HIP1: variants seen among roughly 807,000 people sequenced by gnomAD.
HIP1 encodes huntingtin interacting protein 1, also known as huntingtin-interacting protein 1.
HIP1 carries 65 observed loss-of-function variants against 147.6 expected under a neutral mutation model. The ratio of observed to expected loss-of-function variants is 0.44; its 90% CI spans 0.36 to 0.54. The LOEUF is 0.54. Ranked by LOEUF, HIP1 falls within the 20% of genes least tolerant of loss-of-function variation. HIP1 has a pLI of 0.00. For missense variants in HIP1, 1,061 were observed against 1,299.6 expected, an observed-to-expected ratio of 0.82 and a Z score of 2.82; for synonymous variants, 479 against 504.0, an observed-to-expected ratio of 0.95 and a Z score of 0.67.
chr7:75,616,155 G>A (rs774627545), intron 1 of HIP1, among the ~76,000 whole-genome samples: 1 of 150,752 alleles, frequency 6.6e-6, no homozygotes, highest in African/African-American at 2.4e-5. Context: ...AAAGTATCTC[G>A]TAACATCGTC....
In HIP1 at chr7:75,554,116, C is replaced by T. The variant is rs782195793; in HGVS notation, c.2155G>A (p.Asp719Asn). Residue 719 changes from aspartate to asparagine, a missense_variant, in exon 21 of 31, where the codon GAC becomes AAC. This residue lies in a region of HIP1 where 810 missense variants were observed against 946.8 expected (regional missense o/e 0.86). Coordinates refer to ENST00000336926, the MANE Select transcript of HIP1 (RefSeq NM_005338.7). ...TCLRAPPEPA[D>N]SLTEACKQYG... ...CCCCTCATGCCCCGGTACTCACAGTCGGCAGGCTCAGGTGGGGCTCTGAGG... is the reference window on the plus strand; with the variant it reads ...CCCCTCATGCCCCGGTACTCACAGTTGGCAGGCTCAGGTGGGGCTCTGAGG... The T allele has an allele frequency of 3.8e-5, 61 of 1,612,550 alleles. No individual in the cohort carries two copies. Among genetic ancestry groups the T allele is most frequent in the Middle Eastern group, 1.6e-4 (1 of 6,080 alleles).
At chr7:75,583,756 T>TTGTGTGTGTGTGTGTGTGTG (rs60640180) in intron 5 of HIP1, among the ~76,000 whole-genome samples, 19 of 115,518 alleles carry the variant, frequency 1.6e-4, no homozygotes, top group South Asian at 9.6e-4. Flanking sequence ...GCGGGCTAAT[T>TTGTGTGTGTGTGTGTGTGTG]TGTGTGTGTG....
At chr7:75,564,518 T>C (rs1320709266) in intron 9 of HIP1, among the ~76,000 whole-genome samples, 1 of 152,158 alleles carries the variant, frequency 6.6e-6, no homozygotes, top group Non-Finnish European at 1.5e-5. Context: ...GGTTTCGAAC[T>C]CCCGACCTCA....
rs188197150 is a variant in HIP1, at chr7:75,636,080, G to A, written c.121-36833C>T. The stretch of plus-strand genomic sequence containing the variant: ...GCAGAGGCCAGGTGTGGTGGCTCAC[G>A]CCTGTAATTCTAGCACTTTGGGAGG... On this transcript the variant is annotated intron_variant, in intron 1 of 30. Transcript: ENST00000336926. Among the ~76,000 whole-genome samples the A allele has an allele frequency of 4.2e-3, 605 of 143,332 alleles. 10 individuals carry two copies. The highest frequency in any genetic ancestry group is 0.041 in the South Asian group (182 of 4,436). 94.0% of individuals were successfully genotyped at this position (143,332 alleles called of 152,430 possible). A position where few individuals can be genotyped will look rare whatever the true frequency, so the allele number is the denominator to read the frequency against.
chr7:75,585,822 C>CT (rs1334388171), intron 5 of HIP1, among the ~76,000 whole-genome samples: 1 of 151,980 alleles, frequency 6.6e-6, no homozygotes, highest in Non-Finnish European at 1.5e-5. Flanking sequence ...CTTCTTCTCT[C>CT]TTTTTTCTGT....
chr7:75,561,194 T>A (rs751798780), intron 13 of HIP1, 135 bp downstream of exon 13: 146 of 743,760 alleles, frequency 2.0e-4, no homozygotes, highest in Non-Finnish European at 3.1e-4. Context: ...CCTCAGGTAA[T>A]CCTCCTGCCT....
At chr7:75,614,776 T>A (rs782387207) in intron 1 of HIP1, among the ~76,000 whole-genome samples, 57 of 152,034 alleles carry the variant, frequency 3.7e-4, no homozygotes, top group Non-Finnish European at 7.9e-4. Context: ...AGAAACTGAT[T>A]TTTTTTTCTT....
Position 75,562,940 on chromosome 7 carries a change from G to C in HIP1, c.1015C>G (p.Gln339Glu), listed in dbSNP as rs781860206. 1 of 1,614,194 alleles carries C rather than the reference G, an allele frequency of 6.2e-7. No homozygotes were observed. The highest frequency in any genetic ancestry group is 1.1e-5 in the South Asian group (1 of 91,082). Residue 339 changes from glutamine to glutamate, a missense_variant, in exon 11 of 31, where the codon CAG becomes GAG. Physicochemically the swap from Gln to Glu is conservative, Grantham distance 29 (BLOSUM62 2). Transcript: ENST00000336926. Reference protein sequence around the residue: ...KDDLMDMDASQQNLFDNKFDD... With the variant: ...KDDLMDMDASEQNLFDNKFDD... ...CTCTCCCAAGTGGTCCTCACCTGCTGAGAGGCATCCATGTCCATGAGGTCA... is the reference window on the plus strand; with the variant it reads ...CTCTCCCAAGTGGTCCTCACCTGCTCAGAGGCATCCATGTCCATGAGGTCA...
chr7:75,715,695 A>G (rs552366642), intron 1 of HIP1, among the ~76,000 whole-genome samples: 1 of 147,842 alleles, frequency 6.8e-6, no homozygotes, highest in African/African-American at 2.5e-5. Flanking sequence ...GAATCACTTG[A>G]ATCCAGGAGG....
intron 1 of HIP1, among the ~76,000 whole-genome samples, chr7:75,599,800 A>G (rs940475610): frequency 6.6e-6 from 1 of 151,456 alleles, no homozygotes; most frequent in African/African-American, 2.4e-5. Flanking sequence ...ATCAAGGGAC[A>G]TTAAACATTC....
At chr7:75,723,134 G>A (rs1008531939) in intron 1 of HIP1, among the ~76,000 whole-genome samples, 3 of 152,070 alleles carry the variant, frequency 2.0e-5, no homozygotes, top group Admixed American at 2.0e-4. Flanking sequence ...TTGGGAGGCC[G>A]AGGTGGGCAG....
In HIP1 at chr7:75,555,437, T is replaced by C. The variant is rs1554493049; in HGVS notation, c.1942A>G (p.Ile648Val). ...ALNQLEEPPLISCAGSADHLL... is the reference protein window; with the variant it reads ...ALNQLEEPPLVSCAGSADHLL... ...GTACCTGCAGACCCAGCGCAGCTGA[T>C]GAGAGGAGGTTCTTCAAGCTGGTTC... Residue 648 changes from isoleucine to valine, a missense_variant, in exon 19 of 31, where the codon ATC (isoleucine) becomes GTC (valine). Ile to Val is a conservative substitution (Grantham distance 29). Coordinates refer to ENST00000336926, the MANE Select transcript of HIP1 (RefSeq NM_005338.7). The C allele has an allele frequency of 1.2e-6, 2 of 1,613,430 alleles. No individual in the cohort carries two copies. Among genetic ancestry groups the C allele is most frequent in the Non-Finnish European group, 1.7e-6 (2 of 1,179,630 alleles).
At chr7:75,685,627 C>T (rs1335654367) in intron 1 of HIP1, among the ~76,000 whole-genome samples, 3 of 152,244 alleles carry the variant, frequency 2.0e-5, no homozygotes, top group Non-Finnish European at 4.4e-5. Flanking sequence ...CAGCTCATTG[C>T]AGCCTCCAAC....
chr7:75,700,799 G>A (rs528562892), intron 1 of HIP1, among the ~76,000 whole-genome samples: 13 of 151,730 alleles, frequency 8.6e-5, no homozygotes, highest in African/African-American at 2.7e-4. Context: ...TCCGCCTCCC[G>A]GGTTCACGCC....
intron 1 of HIP1, among the ~76,000 whole-genome samples, chr7:75,719,481 G>A (rs138488261): frequency 1.3e-5 from 2 of 150,734 alleles, no homozygotes; most frequent in African/African-American, 4.9e-5. Flanking sequence ...TCCAGACTGG[G>A]CGACAGAGCG....
intron 1 of HIP1, among the ~76,000 whole-genome samples, chr7:75,635,019 T>G (rs1347696573): frequency 2.0e-5 from 3 of 151,684 alleles, no homozygotes; most frequent in East Asian, 3.9e-4. Context: ...TAAATTGTTA[T>G]GTAAACATTA....
In HIP1 at chr7:75,689,193, A is replaced by G. The variant is rs146813481; in HGVS notation, c.120+49608T>C. On this transcript the variant is annotated intron_variant, in intron 1 of 30. Coordinates refer to ENST00000336926, the MANE Select transcript of HIP1 (RefSeq NM_005338.7). ...AGTGAGACCCTATCTTTATTATAAAATTAAAAAAATTTAAAATATATTTAA... is the reference window on the plus strand; with the variant it reads ...AGTGAGACCCTATCTTTATTATAAAGTTAAAAAAATTTAAAATATATTTAA... Among the ~76,000 whole-genome samples, 11 of 152,206 alleles carry G rather than the reference A, an allele frequency of 7.2e-5. No homozygotes were observed. The East Asian group carries it at 2.1e-3, about 29-fold the overall frequency.
In HIP1 at chr7:75,738,159, A is replaced by C. The variant is rs538608053; in HGVS notation, c.120+642T>G. On this transcript the variant is annotated intron_variant, in intron 1 of 30. Transcript: ENST00000336926. ...AGGGCTCAGGGGCACCATGGTCTCCACTTTAGCCCCCAAAGTAATTTTCCC... is the reference window on the plus strand; with the variant it reads ...AGGGCTCAGGGGCACCATGGTCTCCCCTTTAGCCCCCAAAGTAATTTTCCC... Among the ~76,000 whole-genome samples the C allele has an allele frequency of 5.3e-5, 8 of 152,312 alleles. No individual in the cohort carries two copies. In the South Asian group the frequency reaches 1.7e-3, roughly 32 times the overall value.
At chr7:75,540,088 T>C (rs1393318176) in intron 29 of HIP1, among the ~76,000 whole-genome samples, 3 of 152,234 alleles carry the variant, frequency 2.0e-5, no homozygotes, top group Non-Finnish European at 4.4e-5. Context: ...TGATCTTGTC[T>C]AGCTCTACTT....
Sources: gnomAD v4.1 joint callset for allele counts (sites outside exome capture counted in the v4.1 genomes callset) on GRCh38, gnomAD v4.1.1 for gene constraint, gnomAD v4.1.1 regional missense constraint, MANE v1.5 for transcripts, NCBI Gene and HGNC (gene_info 2026-07-23, HGNC 2026-07-21) for gene names.